IMMP2L: variants seen among roughly 807,000 people sequenced by gnomAD.
IMMP2L encodes the protein mitochondrial inner membrane protease subunit 2.
Under a neutral mutation model 19.3 loss-of-function variants are expected in IMMP2L, and 18 were observed. The ratio of observed to expected loss-of-function variants is 0.93; its 90% confidence interval spans 0.64 to 1.38. IMMP2L has a LOEUF of 1.38. IMMP2L is among the 40% of genes most tolerant of loss of function. The pLI is 0.00. For synonymous variants in IMMP2L, 76 were observed against 73.0 expected (o/e 1.04, Z -0.21); for missense variants, 233 against 218.2 (o/e 1.07, Z -0.43).
chr7:111,277,563 A>C (rs1264215620), intron 3 of IMMP2L, among the ~76,000 whole-genome samples: 3 of 107,670 alleles, frequency 2.8e-5, no homozygotes, highest in Non-Finnish European at 3.7e-5. Context: ...ACCTTGTCTC[A>C]TTTAAAAAAA....
chr7:111,263,345 G>A (rs950748115), intron 3 of IMMP2L, among the ~76,000 whole-genome samples: 4 of 152,060 alleles, frequency 2.6e-5, no homozygotes, highest in Non-Finnish European at 4.4e-5. Flanking sequence ...CAACAGATTG[G>A]ATATAAAATA....
chr7:110,838,171 C>T (rs1438442687), intron 5 of IMMP2L, among the ~76,000 whole-genome samples: 4 of 151,948 alleles, frequency 2.6e-5, no homozygotes, highest in Admixed American at 1.3e-4. Context: ...GGCCTTTGAT[C>T]CTATATTCCT....
intron 3 of IMMP2L, among the ~76,000 whole-genome samples, chr7:111,162,321 T>G (rs1389870641): frequency 6.6e-6 from 1 of 152,086 alleles, no homozygotes; most frequent in Non-Finnish European, 1.5e-5. Flanking sequence ...TTGATTATAA[T>G]TTTACGAATT....
At chr7:111,103,869 C>T (rs758042439) in intron 3 of IMMP2L, among the ~76,000 whole-genome samples, 71 of 151,676 alleles carry the variant, frequency 4.7e-4, no homozygotes, top group East Asian at 1.9e-3. Flanking sequence ...ACAGAAAGAA[C>T]GAGAGTCCAT....
intron 1 of IMMP2L, among the ~76,000 whole-genome samples, chr7:111,550,551 G>A (rs988157202): frequency 3.3e-5 from 5 of 152,058 alleles, no homozygotes; most frequent in African/African-American, 1.2e-4. Context: ...ATGTGTGAGG[G>A]CAGGGAGTAA....
intron 5 of IMMP2L, among the ~76,000 whole-genome samples, chr7:110,679,738 C>T (rs1220523212): frequency 6.6e-6 from 1 of 152,162 alleles, no homozygotes; most frequent in Admixed American, 6.5e-5. Flanking sequence ...CCTCTACTTC[C>T]CTTTCCTCTT....
At chr7:110,980,372 G>A (rs1203488859) in intron 3 of IMMP2L, among the ~76,000 whole-genome samples, 1 of 151,708 alleles carries the variant, frequency 6.6e-6, no homozygotes, top group Non-Finnish European at 1.5e-5. Context: ...GGGACTACAG[G>A]CGCCCACCAC....
chr7:111,258,636 A>G (rs769694936), intron 3 of IMMP2L, among the ~76,000 whole-genome samples: 2 of 151,900 alleles, frequency 1.3e-5, no homozygotes, highest in African/African-American at 4.8e-5. Flanking sequence ...CCTCCCAAGT[A>G]GCTGGAATTA....
chr7:111,436,973 A>T (rs961801324), intron 3 of IMMP2L, among the ~76,000 whole-genome samples: 6 of 151,710 alleles, frequency 4.0e-5, no homozygotes, highest in African/African-American at 1.5e-4. Context: ...CTCACTCATT[A>T]TCATGAGGAA....
At chr7:111,017,543 C>T (rs959078677) in intron 3 of IMMP2L, among the ~76,000 whole-genome samples, 3 of 152,096 alleles carry the variant, frequency 2.0e-5, no homozygotes, top group African/African-American at 7.2e-5. Flanking sequence ...GGCTTAGATA[C>T]CCCACTCCCA....
chr7:110,788,286 T>C (rs973873672), intron 5 of IMMP2L, among the ~76,000 whole-genome samples: 1 of 152,046 alleles, frequency 6.6e-6, no homozygotes, highest in Non-Finnish European at 1.5e-5. Flanking sequence ...AGGAAGTACC[T>C]CCTAAGGGTC....
intron 3 of IMMP2L, among the ~76,000 whole-genome samples, chr7:111,294,734 A>G (rs1464603473): frequency 6.6e-6 from 1 of 151,912 alleles, no homozygotes; most frequent in African/African-American, 2.4e-5. Flanking sequence ...TGCAAGCGCC[A>G]TGTAATGCAA....
At chr7:111,437,799 A>C (rs1837331726) in intron 3 of IMMP2L, among the ~76,000 whole-genome samples, 1 of 151,874 alleles carries the variant, frequency 6.6e-6, no homozygotes, top group Admixed American at 6.6e-5. Context: ...ACCCAGAGTC[A>C]CTACATACAA....
At chr7:110,982,553 T>C (rs1293541742) in intron 3 of IMMP2L, among the ~76,000 whole-genome samples, 1 of 152,096 alleles carries the variant, frequency 6.6e-6, no homozygotes, top group East Asian at 1.9e-4. Context: ...GTGGTCATAC[T>C]AGGTCAAAAA....
At chr7:111,117,140 T>G (rs974993929) in intron 3 of IMMP2L, among the ~76,000 whole-genome samples, 2 of 152,140 alleles carry the variant, frequency 1.3e-5, no homozygotes, top group African/African-American at 2.4e-5. Context: ...ATCCTAAATT[T>G]GTTAATGGCA....
chr7:111,063,441 C>A (rs528603525), intron 3 of IMMP2L, among the ~76,000 whole-genome samples: 1 of 152,268 alleles, frequency 6.6e-6, no homozygotes, highest in South Asian at 2.1e-4. Context: ...TTCTGACATG[C>A]CCTGAAGACA....
intron 5 of IMMP2L, among the ~76,000 whole-genome samples, chr7:110,845,668 C>A (rs1232443704): frequency 1.3e-5 from 2 of 152,034 alleles, no homozygotes; most frequent in Admixed American, 1.3e-4. Context: ...AGTGCTTGAT[C>A]GGACTGTCTA....
chr7:111,211,495 C>G (rs1389195780), intron 3 of IMMP2L, among the ~76,000 whole-genome samples: 2 of 152,128 alleles, frequency 1.3e-5, no homozygotes, highest in Non-Finnish European at 2.9e-5. Flanking sequence ...TGTTGAATAT[C>G]AAACCCAATC....
intron 3 of IMMP2L, among the ~76,000 whole-genome samples, chr7:111,061,200 C>G (rs1156634760): frequency 1.3e-5 from 2 of 152,098 alleles, no homozygotes; most frequent in Admixed American, 1.3e-4. Flanking sequence ...GGCATACAGG[C>G]TGGGCTAAGT....
Sources: gnomAD v4.1 joint callset for allele counts (sites outside exome capture counted in the v4.1 genomes callset) on GRCh38, gnomAD v4.1.1 for gene constraint, MANE v1.5 for transcripts, NCBI Gene and HGNC (gene_info 2026-07-23, HGNC 2026-07-21) for gene names.